Variants in MAP4K3 observed in about 807,000 individuals in gnomAD.
MAP4K3 encodes mitogen-activated protein kinase kinase kinase kinase 3.
In MAP4K3, 94 loss-of-function variants were observed where a neutral mutation model predicts 143.5. That is an observed-to-expected ratio of 0.65 (90% CI 0.55 to 0.78). The LOEUF (loss-of-function observed/expected upper bound fraction) is 0.78. MAP4K3 is among the 30% of genes least tolerant of loss of function. The pLI is 0.00. For missense variants in MAP4K3, 1,077 were observed against 1,068.1 expected (o/e 1.01, Z -0.12); for synonymous variants, 416 against 347.2 (o/e 1.20, Z -2.20).
At chr2:39,426,027 T>A (rs1026687269) in intron 1 of MAP4K3, among the ~76,000 whole-genome samples, 1 of 152,186 alleles carries the variant, frequency 6.6e-6, no homozygotes, top group African/African-American at 2.4e-5. Context: ...CATAATTTAC[T>A]TATTAATTAG....
intron 1 of MAP4K3, among the ~76,000 whole-genome samples, chr2:39,385,332 T>C (rs1666468313): frequency 6.6e-6 from 1 of 152,084 alleles, no homozygotes; most frequent in African/African-American, 2.4e-5. Context: ...TTGCTTCACA[T>C]CCTTGCCAAG....
chr2:39,433,481 A>G (rs1665356430), intron 1 of MAP4K3, among the ~76,000 whole-genome samples: 1 of 152,230 alleles, frequency 6.6e-6, no homozygotes, highest in Non-Finnish European at 1.5e-5. Context: ...AAGATGGCAC[A>G]ATGCATGTGA....
intron 18 of MAP4K3, among the ~76,000 whole-genome samples, 170 bp downstream of exon 18, chr2:39,292,603 T>C (rs1029248583): frequency 3.3e-5 from 5 of 152,216 alleles, no homozygotes; most frequent in Admixed American, 2.0e-4. Context: ...TATTTTGTTA[T>C]GTCAGCCCAA....
chr2:39,274,889 C>T (rs1046453243), intron 24 of MAP4K3, among the ~76,000 whole-genome samples: 4 of 152,046 alleles, frequency 2.6e-5, no homozygotes, highest in African/African-American at 9.7e-5. Context: ...AAATCAGGAC[C>T]CTGATTAGTG....
intron 1 of MAP4K3, among the ~76,000 whole-genome samples, chr2:39,392,205 A>AAAAAAAAAAAAAAAAAAAAG (rs1666684030): frequency 6.6e-6 from 1 of 151,094 alleles, no homozygotes; most frequent in Non-Finnish European, 1.5e-5. Context: ...AAAAAAAAAA[A>AAAAAAAAAAAAAAAAAAAAG]TTACAGTGAA....
At chr2:39,429,312 A>G (rs935980419) in intron 1 of MAP4K3, among the ~76,000 whole-genome samples, 2 of 152,214 alleles carry the variant, frequency 1.3e-5, no homozygotes, top group Non-Finnish European at 2.9e-5. Flanking sequence ...TTGATGAGAT[A>G]AAGATCATCT....
At chr2:39,415,127 C>T (rs532614430) in intron 1 of MAP4K3, among the ~76,000 whole-genome samples, 68 of 152,184 alleles carry the variant, frequency 4.5e-4, no homozygotes, top group Non-Finnish European at 6.3e-4. Context: ...ACAGCCTACA[C>T]TTGTAAAAGT....
intron 1 of MAP4K3, among the ~76,000 whole-genome samples, chr2:39,414,216 G>C (rs116826258): frequency 6.6e-6 from 1 of 152,248 alleles, no homozygotes; most frequent in East Asian, 1.9e-4. Flanking sequence ...GAAGCAAAGA[G>C]AGGCACCAAT....
chr2:39,405,231 A>C (rs1667063267), intron 1 of MAP4K3, among the ~76,000 whole-genome samples: 1 of 152,212 alleles, frequency 6.6e-6, no homozygotes, highest in African/African-American at 2.4e-5. Context: ...CAGAGAGAGA[A>C]ATGATGTTTC....
chr2:39,326,825 T>C (rs1023937011), intron 8 of MAP4K3, among the ~76,000 whole-genome samples: 4 of 152,140 alleles, frequency 2.6e-5, no homozygotes, highest in Admixed American at 2.0e-4. Context: ...GTTTTAAAAG[T>C]GGCCGTTTCC....
At chr2:39,325,457 C>CA in intron 12 of MAP4K3, 61 bp downstream of exon 12, 1 of 1,112,592 alleles carries the variant, frequency 9.0e-7, no homozygotes, top group East Asian at 2.4e-5. Flanking sequence ...TACATACAGA[C>CA]ACACATATAT....
rs908443057 is a variant in MAP4K3, at chr2:39,437,244, C to G, written c.-257G>C. The G allele has an allele frequency of 3.6e-6, 1 of 278,772 alleles. No homozygotes were observed. Among genetic ancestry groups the G allele is most frequent in the African/African-American group, 2.2e-5 (1 of 44,840 alleles). The allele number at this position is 278,772 out of a possible 1,614,324, so 17.3% of individuals were successfully genotyped here. A position where few individuals can be genotyped will look rare whatever the true frequency, so the allele number is the denominator to read the frequency against. On this transcript the variant is annotated 5_prime_UTR_variant, in exon 1 of 34. Coordinates refer to ENST00000263881, the MANE Select transcript of MAP4K3 (RefSeq NM_003618.4). ...TCACACCCACAAGGAGAGGAGAACCCTCGCAGCCCCTCGCTCGGGGTGAAA... is the reference window on the plus strand; with the variant it reads ...TCACACCCACAAGGAGAGGAGAACCGTCGCAGCCCCTCGCTCGGGGTGAAA...
chr2:39,374,957 T>C (rs1385241592), intron 2 of MAP4K3, among the ~76,000 whole-genome samples: 1 of 152,140 alleles, frequency 6.6e-6, no homozygotes, highest in Non-Finnish European at 1.5e-5. Context: ...AATGGAAGAC[T>C]AGCCATCAAA....
chr2:39,369,495 ACTT>A (rs1448795388), intron 2 of MAP4K3, among the ~76,000 whole-genome samples: 1 of 152,000 alleles, frequency 6.6e-6, no homozygotes, highest in African/African-American at 2.4e-5. Context: ...TCAGTTTTCC[ACTT>A]CTTATTTCCC....
intron 3 of MAP4K3, 137 bp from the exon 4 acceptor site, chr2:39,343,589 A>G (rs1665202546): frequency 1.6e-6 from 1 of 621,704 alleles, no homozygotes; most frequent in African/African-American, 1.9e-5. Flanking sequence ...TAACTAATTA[A>G]TCTTTATGAG....
chr2:39,415,414 T>C (rs770199167), intron 1 of MAP4K3, among the ~76,000 whole-genome samples: 8 of 152,198 alleles, frequency 5.3e-5, no homozygotes, highest in Admixed American at 6.5e-5. Context: ...ATTTAATTAT[T>C]ACTTAGAAAC....
chr2:39,365,469 G>A (rs535212964), intron 2 of MAP4K3, among the ~76,000 whole-genome samples: 11 of 120,682 alleles, frequency 9.1e-5, no homozygotes, highest in South Asian at 2.6e-4. Flanking sequence ...ACGGAGTCTC[G>A]CTCTGTCGCC....
At chr2:39,430,022 GGGT>G (rs1665236994) in intron 1 of MAP4K3, among the ~76,000 whole-genome samples, 1 of 152,162 alleles carries the variant, frequency 6.6e-6, no homozygotes, top group Non-Finnish European at 1.5e-5. Context: ...AATTGTGGGT[GGGT>G]GGTATTTATG....
rs377327489 is a variant in MAP4K3 at position 39,307,935 on chromosome 2, A to G, written c.1119+8T>C. The G allele has an allele frequency of 7.8e-6, 12 of 1,530,606 alleles. No individual in the cohort carries two copies. Among genetic ancestry groups the G allele is most frequent in the Non-Finnish European group, 1.1e-5 (12 of 1,138,148 alleles). The allele number at this position is 1,530,606 out of a possible 1,614,324, so 94.8% of individuals were successfully genotyped here. A position where few individuals can be genotyped will look rare whatever the true frequency, so the allele number is the denominator to read the frequency against. On this transcript the variant is annotated splice_region_variant and intron_variant, in intron 15 of 33. Transcript: ENST00000263881. Reference sequence around the variant, plus strand: ...TGCTGACAAAGAAAATCAGAAGATGAGAAATACCAGATTAGATCTTGCAGT... The same window carrying G: ...TGCTGACAAAGAAAATCAGAAGATGGGAAATACCAGATTAGATCTTGCAGT...
Sources: allele counts gnomAD v4.1 joint callset (sites outside exome capture counted in the v4.1 genomes callset), GRCh38; gene constraint gnomAD v4.1.1; transcripts MANE v1.5; gene names NCBI Gene and HGNC (gene_info 2026-07-23, HGNC 2026-07-21).